CD163L1: variants seen among roughly 807,000 people sequenced by gnomAD.
CD163L1 encodes the protein CD163 molecule like 1.
CD163L1 carries 124 observed loss-of-function variants against 165.4 expected under a neutral mutation model. That is an observed-to-expected ratio of 0.75 (90% CI 0.65 to 0.87). The LOEUF (loss-of-function observed/expected upper bound fraction) is 0.87, where lower values mean the gene tolerates loss of function less well. Among genes scored for constraint, CD163L1 ranks in the 40% least tolerant of loss-of-function variants. The pLI, the probability that CD163L1 is intolerant of heterozygous loss-of-function variation, is 0.00. For synonymous variants in CD163L1, 585 were observed against 662.2 expected, an observed-to-expected ratio of 0.88 and a Z score of 1.79; for missense variants, 1,525 against 1,799.9, an observed-to-expected ratio of 0.85 and a Z score of 2.76.
chr12:7,342,304 T>C (rs919622966), downstream of CD163L1, among the ~76,000 whole-genome samples: 8 of 152,186 alleles, frequency 5.3e-5, 1 homozygote, highest in African/African-American at 1.9e-4. Context: ...CCACAAACAA[T>C]AGCATGAACA....
the CD163L1 span, among the ~76,000 whole-genome samples, chr12:7,341,615 G>A: frequency 6.6e-6 from 1 of 152,118 alleles, no homozygotes; most frequent in African/African-American, 2.4e-5. Flanking sequence ...CATTCTGCTA[G>A]GTCACAGATA....
At chr12:7,439,057 G>C (rs1948778456) in intron 2 of CD163L1, 3 of 1,588,060 alleles carry the variant, frequency 1.9e-6, no homozygotes, top group Admixed American at 3.9e-5. Context: ...CACTGTCTAG[G>C]GGCTTCTCAA....
At chr12:7,341,643 T>G in the CD163L1 span, among the ~76,000 whole-genome samples, 67 of 152,264 alleles carry the variant, frequency 4.4e-4, no homozygotes, top group African/African-American at 1.5e-3. Context: ...GCAATTTTCT[T>G]GTTGTTTCAG....
At chr12:7,424,586 C>T (rs1948506962) in intron 4 of CD163L1, among the ~76,000 whole-genome samples, 1 of 152,142 alleles carries the variant, frequency 6.6e-6, no homozygotes. Context: ...ATTTAGAAAA[C>T]CCCATCGTAT....
chr12:7,323,134 C>A, the CD163L1 span: 1 of 1,152,246 alleles, frequency 8.7e-7, no homozygotes, highest in Non-Finnish European at 1.2e-6. Context: ...GCCTGCATAC[C>A]AGGAAAATCA....
intron 8 of CD163L1, among the ~76,000 whole-genome samples, chr12:7,395,247 T>C (rs1237498357): frequency 2.0e-5 from 3 of 152,126 alleles, no homozygotes; most frequent in Non-Finnish European, 1.5e-5. Flanking sequence ...ATATACACCA[T>C]GGAATACTAT....
At chr12:7,404,016 G>T in intron 5 of CD163L1, 161 bp from the exon 6 acceptor site, 2 of 515,714 alleles carry the variant, frequency 3.9e-6, no homozygotes, top group Non-Finnish European at 6.4e-6. Context: ...AAATTTTAAA[G>T]ATTGAAATTT....
At position 7,399,554 on chromosome 12, in the gene CD163L1, T is replaced by TCTTG. The variant is rs1216447432; in HGVS notation, c.1409-971_1409-970insCAAG. Among the ~76,000 whole-genome samples the TCTTG allele has an allele frequency of 5.4e-5, 7 of 129,848 alleles. No homozygotes were observed. The South Asian group carries it at 7.4e-4, about 14-fold the overall frequency. The allele number at this position is 129,848 out of a possible 152,430, so 85.2% of individuals were successfully genotyped here. A position where few individuals can be genotyped will look rare whatever the true frequency, so the allele number is the denominator to read the frequency against. ...CTCTTTCTTTCTTTCTTTCTTGCTT[T>TCTTG]CTTTCTTTCCTTTCTTTCCTTCTCT... On this transcript the variant is annotated intron_variant, in intron 6 of 19. Transcript: ENST00000313599.
chr12:7,380,299 G>GTA (rs1565784031), intron 8 of CD163L1, among the ~76,000 whole-genome samples: 45 of 51,832 alleles, frequency 8.7e-4, no homozygotes, highest in Non-Finnish European at 8.1e-4. Flanking sequence ...GTGTGTGTGT[G>GTA]TGTATACACA....
intron 4 of CD163L1, among the ~76,000 whole-genome samples, chr12:7,422,078 G>A (rs1209652758): frequency 1.3e-5 from 2 of 152,092 alleles, no homozygotes; most frequent in Non-Finnish European, 1.5e-5. Flanking sequence ...CTGGGACAAA[G>A]CTTCTAGAGG....
chr12:7,419,954 T>A (rs1272426022), intron 4 of CD163L1, among the ~76,000 whole-genome samples: 1 of 151,900 alleles, frequency 6.6e-6, no homozygotes, highest in African/African-American at 2.4e-5. Context: ...TAACTTCACT[T>A]CAAACTATAA....
At chr12:7,328,546 C>A in the CD163L1 span, 12 of 400,660 alleles carry the variant, frequency 3.0e-5, no homozygotes, top group African/African-American at 2.3e-4. Context: ...AAATAAAAGC[C>A]TCAAAAACGT....
At chr12:7,371,421 C>T (rs1048394004) in intron 14 of CD163L1, among the ~76,000 whole-genome samples, 1 of 151,968 alleles carries the variant, frequency 6.6e-6, no homozygotes, top group Non-Finnish European at 1.5e-5. Flanking sequence ...TAAAAGCTGG[C>T]AGAATTCATC....
At chr12:7,436,255 C>G (rs1158252396) in intron 2 of CD163L1, among the ~76,000 whole-genome samples, 1 of 151,944 alleles carries the variant, frequency 6.6e-6, no homozygotes, top group African/African-American at 2.4e-5. Flanking sequence ...CCATTTTTGT[C>G]TAATCAAATA....
chr12:7,425,021 T>G (rs1412023139), intron 4 of CD163L1, among the ~76,000 whole-genome samples: 1 of 152,196 alleles, frequency 6.6e-6, no homozygotes, highest in South Asian at 2.1e-4. Context: ...AGAGCCCATA[T>G]AGCCAAGACA....
intron 4 of CD163L1, among the ~76,000 whole-genome samples, chr12:7,428,381 T>TA (rs1948578556): frequency 6.6e-6 from 1 of 152,096 alleles, no homozygotes; most frequent in Non-Finnish European, 1.5e-5. Context: ...CCCAGTAGAT[T>TA]ACTAGTTCCT....
chr12:7,414,274 A>G lies in CD163L1; in HGVS notation c.767-7422T>C, dbSNP rs772685625. Reference sequence around the variant, plus strand: ...GAAGTTCAGTAAAGAGATAGAAACAATTGAAAACAATGAAACAGAAATTTT... The same window carrying G: ...GAAGTTCAGTAAAGAGATAGAAACAGTTGAAAACAATGAAACAGAAATTTT... On this transcript the variant is annotated intron_variant, in intron 4 of 19. Transcript: ENST00000313599. 4.6e-5 allele frequency among the ~76,000 whole-genome samples: 7 copies of G among 152,288 alleles called. No individual in the cohort carries two copies. In the East Asian group the frequency reaches 1.3e-3, roughly 29 times the overall value.
chr12:7,327,790 T>C, the CD163L1 span, among the ~76,000 whole-genome samples: 2 of 152,188 alleles, frequency 1.3e-5, no homozygotes, highest in Non-Finnish European at 1.5e-5. Flanking sequence ...AAAGGCTATC[T>C]GAGGGCATTT....
At chr12:7,373,766 C>CT in intron 13 of CD163L1, 126 bp from the exon 14 acceptor site, 1 of 772,420 alleles carries the variant, frequency 1.3e-6, no homozygotes, top group Non-Finnish European at 2.0e-6. Flanking sequence ...ATAAATCACT[C>CT]TAACATATTA....
Sources: gnomAD v4.1 joint callset for allele counts (sites outside exome capture counted in the v4.1 genomes callset) on GRCh38, gnomAD v4.1.1 for gene constraint, MANE v1.5 for transcripts, NCBI Gene and HGNC (gene_info 2026-07-23, HGNC 2026-07-21) for gene names.